Variants in KDM5C observed in about 807,000 individuals in gnomAD.
KDM5C encodes lysine demethylase 5C.
A neutral mutation model predicts 110.6 loss-of-function variants in KDM5C; 16 were observed. That is an observed-to-expected ratio of 0.14 (90% confidence interval 0.10 to 0.22). The LOEUF is 0.22. KDM5C is among the 10% of genes least tolerant of loss of function. KDM5C has a pLI of 1.00. For missense variants in KDM5C, 681 were observed against 1,300.9 expected (o/e 0.52, Z 7.33); for synonymous variants, 511 against 520.4 (o/e 0.98, Z 0.24).
intron 25 of KDM5C, among the ~76,000 whole-genome samples, chrX:53,182,722 G>A (rs1556826647): frequency 8.9e-6 from 1 of 112,978 alleles, no homozygotes; most frequent in Non-Finnish European, 1.9e-5. Context: ...AGTTGTAGGA[G>A]TTGTTTGTAT....
intron 12 of KDM5C, among the ~76,000 whole-genome samples, chrX:53,205,972 A>G (rs1471438437): frequency 4.4e-5 from 5 of 112,399 alleles, no homozygotes; most frequent in African/African-American, 1.3e-4. Flanking sequence ...CTTGATGCTC[A>G]TAACTCTGTC....
In KDM5C at chrX:53,192,268, T is replaced by C; in HGVS notation, c.*699A>G. 5.7e-6 allele frequency: 1 copy of C among 175,461 alleles called. No individual in the cohort carries two copies. Among genetic ancestry groups the C allele is most frequent in the Non-Finnish European group, 1.1e-5 (1 of 91,526 alleles). The allele number at this position is 175,461 out of a possible 1,213,427, so 14.5% of individuals were successfully genotyped here. ...GTTTCTTGTTTTGCTTTTTTTTTTCTTTTGAACAAATTAATTACACACCAA... is the reference window on the plus strand; with the variant it reads ...GTTTCTTGTTTTGCTTTTTTTTTTCCTTTGAACAAATTAATTACACACCAA... On this transcript the variant is annotated 3_prime_UTR_variant, in exon 26 of 26. Coordinates refer to ENST00000375401, the MANE Select transcript of KDM5C (RefSeq NM_004187.5).
At chrX:53,209,466 G>A (rs1477234904) in intron 12 of KDM5C, among the ~76,000 whole-genome samples, 1 of 111,826 alleles carries the variant, frequency 8.9e-6, no homozygotes, top group Non-Finnish European at 1.9e-5. Context: ...AAATGCAGGT[G>A]AGAACCACTG....
chrX:53,222,618 C>T (rs974674176), intron 1 of KDM5C, among the ~76,000 whole-genome samples: 1 of 111,753 alleles, frequency 8.9e-6, no homozygotes, highest in African/African-American at 3.3e-5. Flanking sequence ...GCAACAGATA[C>T]CTGGGAAGGC....
chrX:53,202,465 G>T, intron 12 of KDM5C: 1 of 122,713 alleles, frequency 8.1e-6, no homozygotes, highest in Non-Finnish European at 1.7e-5. Flanking sequence ...GTTAAAAACA[G>T]CCTCCTGTTT....
At chrX:53,211,110 A>AG (rs1287588568) in intron 10 of KDM5C, among the ~76,000 whole-genome samples, 1 of 112,074 alleles carries the variant, frequency 8.9e-6, no homozygotes, top group Non-Finnish European at 1.9e-5. Flanking sequence ...AGTTAAAAAA[A>AG]TCCTGCTCTG....
At chrX:53,216,266 T>C (rs2073738561) in intron 5 of KDM5C, 69 bp from the exon 6 acceptor site, 1 of 1,167,461 alleles carries the variant, frequency 8.6e-7, no homozygotes, top group Non-Finnish European at 1.2e-6. Flanking sequence ...AAAAGAACAG[T>C]AACTCGGACT....
intron 25 of KDM5C, among the ~76,000 whole-genome samples, chrX:53,183,774 C>T (rs1934140165): frequency 9.1e-6 from 1 of 110,434 alleles, no homozygotes; most frequent in African/African-American, 3.3e-5. Context: ...GGGGTTTCAC[C>T]ATGTTGGCCA....
At position 53,193,658 on chromosome X, in the gene KDM5C, C is replaced by T. The variant is rs150061733; in HGVS notation, c.4118-22G>A. On this transcript the variant is annotated intron_variant, in intron 24 of 25. Coordinates refer to ENST00000375401, the MANE Select transcript of KDM5C (RefSeq NM_004187.5). The stretch of plus-strand genomic sequence containing the variant: ...AGATCTAGGAGGTTGCAGGAACAAG[C>T]GGCATTAGAGGCTGCCCTTGGTCTT... The T allele has an allele frequency of 7.9e-3, 9,543 of 1,202,920 alleles. 46 individuals are homozygous for T. The highest frequency in any genetic ancestry group is 1.0e-2 in the Non-Finnish European group (8,886 of 888,877).
chrX:53,217,275 C>T lies in KDM5C; in HGVS notation c.525G>A (p.Gln175=). 8.3e-7 allele frequency: 1 copy of T among 1,210,861 alleles called. No homozygotes were observed. The highest frequency in any genetic ancestry group is 1.7e-5 in the African/African-American group (1 of 57,661). The part of the protein sequence containing the change: ...EMYQSGANLV[Q]CNTRPFDNEE... ...CATTATCAAATGGACGTGTGTTACACTGCTGGGGACAGGTAAGGGGTAAGG... is the reference window on the plus strand; with the variant it reads ...CATTATCAAATGGACGTGTGTTACATTGCTGGGGACAGGTAAGGGGTAAGG... The change falls in exon 5 of 26, where the codon CAG becomes CAA. Residue 175 remains glutamine, a splice_region_variant and synonymous_variant. Coordinates refer to ENST00000375401, the MANE Select transcript of KDM5C (RefSeq NM_004187.5).
downstream of KDM5C, among the ~76,000 whole-genome samples, chrX:53,187,974 C>A (rs1035875585): frequency 9.1e-6 from 1 of 109,935 alleles, no homozygotes; most frequent in African/African-American, 3.3e-5. Flanking sequence ...GATCTCCTGA[C>A]CACATGATTC....
chrX:53,211,506 G>A lies in KDM5C; in HGVS notation c.1392C>T (p.Pro464=), dbSNP rs138488705. The change falls in exon 10 of 26, where the codon CCC becomes CCT. Residue 464 remains proline, a synonymous_variant. Transcript: ENST00000375401. The stretch of plus-strand genomic sequence containing the variant: ...TGAATCATCCACTCACCTCCTCTTC[G>A]GGGGTTAGGTGCCGTTTACTGTCAC... ...PVSDSKRHLT[P]EEEEYATSGW... The A allele has an allele frequency of 1.7e-6, 2 of 1,209,660 alleles. No homozygotes were observed. The highest frequency in any genetic ancestry group is 1.7e-5 in the African/African-American group (1 of 57,195).
At position 53,196,054 on chromosome X, in the gene KDM5C, C is replaced by G. The variant is rs1181386435; in HGVS notation, c.2982G>C (p.Arg994Ser). ...CAAGTGTGGCTGGTGGATGCTTCTG[C>G]CTAAAGGTAAGGAAAAAAAGAACGC... is the stretch of plus-strand genomic sequence containing the variant. ...EEKAHLCLEA[R>S]QKHPPATLEA... is the part of the protein sequence containing the mutation. Residue 994 changes from arginine to serine, a missense_variant and splice_region_variant, in exon 20 of 26, where the codon AGG (arginine) becomes AGC (serine). Physicochemically the swap from Arg to Ser is moderately radical, Grantham distance 110. Coordinates refer to ENST00000375401, the MANE Select transcript of KDM5C (RefSeq NM_004187.5). 8.3e-7 allele frequency: 1 copy of G among 1,210,443 alleles called. No homozygotes were observed. The highest frequency in any genetic ancestry group is 1.1e-6 in the Non-Finnish European group (1 of 895,117).
At chrX:53,182,081 TTTTG>T (rs1177190287) in intron 25 of KDM5C, among the ~76,000 whole-genome samples, 1 of 102,263 alleles carries the variant, frequency 9.8e-6, no homozygotes, top group Non-Finnish European at 2.0e-5. Flanking sequence ...AGCCACCCTT[TTTTG>T]TTTTTTTTTT....
At chrX:53,204,878 T>C (rs971629053) in intron 12 of KDM5C, among the ~76,000 whole-genome samples, 1 of 112,163 alleles carries the variant, frequency 8.9e-6, no homozygotes, top group Non-Finnish European at 1.9e-5. Context: ...GTGCCACTGA[T>C]AACAAATCTT....
intron 5 of KDM5C, 37 bp from the exon 6 acceptor site, chrX:53,216,234 C>G: frequency 8.3e-7 from 1 of 1,206,132 alleles, no homozygotes; most frequent in Non-Finnish European, 1.1e-6. Flanking sequence ...AGACTGCTAT[C>G]TGGGGCAGAC....
intron 6 of KDM5C, 48 bp downstream of exon 6, chrX:53,216,026 C>T (rs2073732207): frequency 4.1e-6 from 5 of 1,210,462 alleles, no homozygotes; most frequent in Non-Finnish European, 4.5e-6. Context: ...CACTTAGGGC[C>T]CTGACTTTTC....
chrX:53,210,372 T>C (rs781997652), intron 12 of KDM5C, 42 bp downstream of exon 12: 1 of 1,204,126 alleles, frequency 8.3e-7, no homozygotes, highest in Non-Finnish European at 1.1e-6. Context: ...AGGACATCAC[T>C]AAATCACTCC....
chrX:53,213,209 C>T (rs2073628321), intron 8 of KDM5C, among the ~76,000 whole-genome samples: 1 of 111,209 alleles, frequency 9.0e-6, no homozygotes, highest in Non-Finnish European at 1.9e-5. Context: ...AATAAATGTC[C>T]GTCTGGTCCA....
Sources: allele counts gnomAD v4.1 joint callset (sites outside exome capture counted in the v4.1 genomes callset), GRCh38; gene constraint gnomAD v4.1.1; transcripts MANE v1.5; gene names NCBI Gene and HGNC (gene_info 2026-07-23, HGNC 2026-07-21).